ADARB2: variants seen among roughly 807,000 people sequenced by gnomAD.
ADARB2 encodes adenosine deaminase RNA specific B2 (inactive).
ADARB2 carries 25 observed loss-of-function variants against 62.2 expected under a neutral mutation model. That is an observed-to-expected ratio of 0.40 (90% CI 0.29 to 0.56). The LOEUF is 0.56. ADARB2 is among the 20% of genes least tolerant of loss of function. ADARB2 has a pLI of 0.43. For missense variants in ADARB2, 1,071 were observed against 1,077.4 expected (o/e 0.99, Z 0.08); for synonymous variants, 572 against 500.8 (o/e 1.14, Z -1.90).
At chr10:1,576,137 A>AGGGGC (rs1564335626) in intron 1 of ADARB2, among the ~76,000 whole-genome samples, 2 of 13,482 alleles carry the variant, frequency 1.5e-4, no homozygotes, top group Non-Finnish European at 1.4e-4. Context: ...CCAGGGTCAC[A>AGGGGC]AGAGGGGGGT....
chr10:1,404,277 G>A (rs1472555269), intron 1 of ADARB2, among the ~76,000 whole-genome samples: 4 of 152,196 alleles, frequency 2.6e-5, no homozygotes, highest in Admixed American at 1.3e-4. Flanking sequence ...GGCATGGAAC[G>A]GCTCACGGGG....
intron 4 of ADARB2, among the ~76,000 whole-genome samples, chr10:1,247,749 C>T (rs915932190): frequency 5.3e-5 from 8 of 152,184 alleles, no homozygotes; most frequent in Non-Finnish European, 7.3e-5. Flanking sequence ...GGGGACAGCG[C>T]GAGGGTGCTG....
chr10:1,213,431 C>T (rs952412305), intron 7 of ADARB2, among the ~76,000 whole-genome samples: 1 of 152,140 alleles, frequency 6.6e-6, no homozygotes, highest in Non-Finnish European at 1.5e-5. Flanking sequence ...CAGAAGGTGG[C>T]TGGGCTTCGA....
At chr10:1,557,208 C>A (rs1168107013) in intron 1 of ADARB2, among the ~76,000 whole-genome samples, 6 of 144,704 alleles carry the variant, frequency 4.1e-5, no homozygotes, top group Non-Finnish European at 9.1e-5. Flanking sequence ...GTGTCCAGTC[C>A]ATGGTGCCCC....
At chr10:1,642,648 C>T (rs1410251251) in intron 1 of ADARB2, among the ~76,000 whole-genome samples, 1 of 152,164 alleles carries the variant, frequency 6.6e-6, no homozygotes, top group Non-Finnish European at 1.5e-5. Flanking sequence ...CACCACAGGG[C>T]TTTCAAAATA....
intron 1 of ADARB2, among the ~76,000 whole-genome samples, chr10:1,557,414 C>G (rs767045369): frequency 6.6e-5 from 10 of 152,050 alleles, no homozygotes; most frequent in Non-Finnish European, 1.2e-4. Context: ...AACCCTGCCA[C>G]CTGGAGTCGC....
At chr10:1,579,911 C>G (rs1833073325) in intron 1 of ADARB2, among the ~76,000 whole-genome samples, 1 of 152,188 alleles carries the variant, frequency 6.6e-6, no homozygotes, top group Admixed American at 6.5e-5. Flanking sequence ...GTGTCTCTAG[C>G]AGCCGCTCAC....
chr10:1,234,807 G>A (rs7097985), intron 5 of ADARB2, among the ~76,000 whole-genome samples: 29,641 of 133,388 alleles, frequency 0.22, 3,284 homozygotes, highest in Middle Eastern at 0.37. Context: ...GCAGTGCAGT[G>A]GTGCAATCTT....
At chr10:1,382,701 C>G (rs890689564) in intron 1 of ADARB2, among the ~76,000 whole-genome samples, 3 of 143,260 alleles carry the variant, frequency 2.1e-5, no homozygotes, top group African/African-American at 8.0e-5. Flanking sequence ...AAAAAGGATG[C>G]CATACTTTTT....
chr10:1,533,611 C>T (rs1454346779), intron 1 of ADARB2, among the ~76,000 whole-genome samples: 3 of 152,196 alleles, frequency 2.0e-5, no homozygotes, highest in African/African-American at 7.2e-5. Context: ...GGGTTCTTGC[C>T]TTTGCCACAA....
chr10:1,325,651 C>T (rs1297776504), intron 3 of ADARB2, among the ~76,000 whole-genome samples: 1 of 152,208 alleles, frequency 6.6e-6, no homozygotes, highest in Non-Finnish European at 1.5e-5. Flanking sequence ...CTCCGCCTTC[C>T]TCCTCCATGG....
intron 1 of ADARB2, among the ~76,000 whole-genome samples, chr10:1,697,833 T>TG (rs1469057187): frequency 6.6e-6 from 1 of 152,196 alleles, no homozygotes; most frequent in East Asian, 1.9e-4. Context: ...CCCGACTCCC[T>TG]GCAACTTCTC....
intron 3 of ADARB2, among the ~76,000 whole-genome samples, chr10:1,316,230 C>CA (rs1831737943): frequency 1.3e-5 from 2 of 152,254 alleles, no homozygotes; most frequent in South Asian, 4.1e-4. Context: ...AGTCAGCTCC[C>CA]ACATCCCTGT....
At chr10:1,464,299 C>T (rs796301878) in intron 1 of ADARB2, among the ~76,000 whole-genome samples, 2 of 118,670 alleles carry the variant, frequency 1.7e-5, no homozygotes, top group African/African-American at 3.0e-5. Context: ...GGGACAGTCA[C>T]AGCAGGCAGC....
chr10:1,520,571 A>T (rs914448892), intron 1 of ADARB2, among the ~76,000 whole-genome samples: 10 of 152,204 alleles, frequency 6.6e-5, no homozygotes. Flanking sequence ...TAATTAATAG[A>T]TGTAGGGAAC....
intron 1 of ADARB2, among the ~76,000 whole-genome samples, chr10:1,645,855 C>G (rs1486365235): frequency 6.6e-6 from 1 of 152,220 alleles, no homozygotes; most frequent in Non-Finnish European, 1.5e-5. Context: ...TTTCATCCGT[C>G]ATTCTTCTTC....
At chr10:1,546,037 C>T (rs1832514114) in intron 1 of ADARB2, among the ~76,000 whole-genome samples, 1 of 152,030 alleles carries the variant, frequency 6.6e-6, no homozygotes, top group Non-Finnish European at 1.5e-5. Context: ...CACCAAGGAG[C>T]TGAAACTCAC....
At chr10:1,427,280 G>C (rs1024333868) in intron 1 of ADARB2, among the ~76,000 whole-genome samples, 1 of 152,200 alleles carries the variant, frequency 6.6e-6, no homozygotes, top group East Asian at 1.9e-4. Flanking sequence ...TCTGTTAAGA[G>C]GGTATGAGAA....
At chr10:1,665,414 G>A (rs771936665) in intron 1 of ADARB2, among the ~76,000 whole-genome samples, 2 of 152,198 alleles carry the variant, frequency 1.3e-5, no homozygotes, top group South Asian at 2.1e-4. Context: ...CCCAGGGAAC[G>A]GCACACATCT....
Sources: allele counts gnomAD v4.1 joint callset (sites outside exome capture counted in the v4.1 genomes callset), GRCh38; gene constraint gnomAD v4.1.1; transcripts MANE v1.5; gene names NCBI Gene and HGNC (gene_info 2026-07-23, HGNC 2026-07-21).